PIP4K2A: variants seen among roughly 807,000 people sequenced by gnomAD.
PIP4K2A encodes phosphatidylinositol-5-phosphate 4-kinase type 2 alpha, also known as phosphatidylinositol 5-phosphate 4-kinase type-2 alpha.
A neutral mutation model predicts 42.9 loss-of-function variants in PIP4K2A; 14 were observed. That is an observed-to-expected ratio of 0.33 (90% confidence interval 0.22 to 0.51). The LOEUF (loss-of-function observed/expected upper bound fraction) is 0.51, where lower values mean the gene tolerates loss of function less well. PIP4K2A is among the 20% of genes least tolerant of loss of function. The pLI is 0.97. For missense variants in PIP4K2A, 434 were observed against 519.8 expected (o/e 0.83, Z 1.61); for synonymous variants, 192 against 192.2 (o/e 1.00, Z 0.01).
At chr10:22,594,813 T>C (rs1837596556) in intron 3 of PIP4K2A, among the ~76,000 whole-genome samples, 1 of 152,220 alleles carries the variant, frequency 6.6e-6, no homozygotes, top group Admixed American at 6.5e-5. Context: ...TTCAAAGGCA[T>C]TACTATAATC....
chr10:22,545,286 C>T (rs958435351), intron 7 of PIP4K2A, among the ~76,000 whole-genome samples: 3 of 152,222 alleles, frequency 2.0e-5, no homozygotes, highest in Non-Finnish European at 4.4e-5. Flanking sequence ...AAAGGAAGCG[C>T]AAGGTGACCA....
intron 4 of PIP4K2A, among the ~76,000 whole-genome samples, chr10:22,577,881 C>T (rs1016783621): frequency 6.6e-6 from 1 of 152,228 alleles, no homozygotes; most frequent in Non-Finnish European, 1.5e-5. Flanking sequence ...CACGGTCTGG[C>T]ACCGCCTGGA....
In PIP4K2A at chr10:22,563,803, G is replaced by A. The variant is rs545347807; in HGVS notation, c.678+4048C>T. On this transcript the variant is annotated intron_variant, in intron 6 of 9. Transcript: ENST00000376573. ...CATCCACTCAAAGTAAGTAACGACA[G>A]CACCAATCTCATCTGGTGACTGTTA... Among the ~76,000 whole-genome samples the A allele has an allele frequency of 1.6e-4, 25 of 152,302 alleles. 1 individual carries two copies. Among genetic ancestry groups the A allele is most frequent in the Admixed American group, 1.6e-3 (25 of 15,300 alleles).
chr10:22,543,252 G>C (rs538037812), intron 7 of PIP4K2A, among the ~76,000 whole-genome samples: 1 of 152,154 alleles, frequency 6.6e-6, no homozygotes, highest in African/African-American at 2.4e-5. Context: ...CTCTCCAGCT[G>C]GTTCCTGGTG....
chr10:22,535,113 A>T lies in PIP4K2A; in HGVS notation c.*2088T>A, dbSNP rs1382904948. The T allele has an allele frequency of 6.6e-6, 1 of 152,254 alleles. No individual in the cohort carries two copies. The highest frequency in any genetic ancestry group is 1.5e-5 in the Non-Finnish European group (1 of 68,040). The allele number at this position is 152,254 out of a possible 1,614,324, so 9.4% of individuals were successfully genotyped here. A position where few individuals can be genotyped will look rare whatever the true frequency, so the allele number is the denominator to read the frequency against. On this transcript the variant is annotated 3_prime_UTR_variant, in exon 10 of 10. Transcript: ENST00000376573. ...ATAAATGACAGACTGTTTGTTATAGACAAAAATAAAAGCATTCTGTAAACT... is the reference window on the plus strand; with the variant it reads ...ATAAATGACAGACTGTTTGTTATAGTCAAAAATAAAAGCATTCTGTAAACT...
intron 1 of PIP4K2A, chr10:22,659,464 T>C (rs991727358): frequency 1.3e-5 from 2 of 152,250 alleles, no homozygotes; most frequent in African/African-American, 4.8e-5. Flanking sequence ...ATGGTGCCTG[T>C]AATAACAATA....
At chr10:22,683,835 TCACACACACACACACA>T (rs138327782) in intron 1 of PIP4K2A, among the ~76,000 whole-genome samples, 14 of 139,400 alleles carry the variant, frequency 1.0e-4, no homozygotes, top group East Asian at 4.2e-4. Flanking sequence ...ACCAAGCAGT[TCACACACACACACACA>T]CACACACACA....
chr10:22,673,126 T>A (rs1056992970), intron 1 of PIP4K2A, among the ~76,000 whole-genome samples: 10 of 152,180 alleles, frequency 6.6e-5, no homozygotes, highest in Admixed American at 2.0e-4. Context: ...AAGCCCCTGA[T>A]CCCCATGGTT....
intron 1 of PIP4K2A, among the ~76,000 whole-genome samples, chr10:22,696,267 T>C (rs1378455892): frequency 9.9e-5 from 15 of 152,220 alleles, no homozygotes. Context: ...ACTGTGTTTT[T>C]GTTTTTGTAG....
chr10:22,650,373 A>G (rs1838968461), intron 1 of PIP4K2A, among the ~76,000 whole-genome samples: 2 of 152,158 alleles, frequency 1.3e-5, no homozygotes, highest in Non-Finnish European at 2.9e-5. Flanking sequence ...CTCCAGCCTC[A>G]GCCTCCGGAG....
At chr10:22,673,338 T>C (rs1430560174) in intron 1 of PIP4K2A, among the ~76,000 whole-genome samples, 1 of 152,232 alleles carries the variant, frequency 6.6e-6, no homozygotes, top group South Asian at 2.1e-4. Context: ...TTCATTTTTG[T>C]ATGCGCAGGA....
In PIP4K2A at chr10:22,648,303, G is replaced by A. The variant is rs144943912; in HGVS notation, c.145-38586C>T. Among the ~76,000 whole-genome samples the A allele has an allele frequency of 2.0e-5, 3 of 152,272 alleles. No homozygotes were observed. The East Asian group carries it at 5.8e-4, about 29-fold the overall frequency. On this transcript the variant is annotated intron_variant, in intron 1 of 9. Transcript: ENST00000376573. ...AAAAACTCAATTAAGGACGGTGTGG[G>A]GAGAGTTAATTCCTTAAGTCTGCTT...
intron 1 of PIP4K2A, among the ~76,000 whole-genome samples, chr10:22,629,459 C>T (rs1778321): frequency 0.065 from 9,897 of 152,016 alleles, 481 homozygotes; most frequent in African/African-American, 0.14. Context: ...TCTATGCTAA[C>T]TATAAAATAA....
chr10:22,697,611 G>A (rs1839996885), intron 1 of PIP4K2A, among the ~76,000 whole-genome samples: 1 of 152,106 alleles, frequency 6.6e-6, no homozygotes, highest in African/African-American at 2.4e-5. Flanking sequence ...TATAGTCCCA[G>A]CTATTACAGG....
intron 1 of PIP4K2A, among the ~76,000 whole-genome samples, chr10:22,709,495 G>T (rs143725005): frequency 1.3e-5 from 2 of 152,286 alleles, no homozygotes; most frequent in African/African-American, 4.8e-5. Flanking sequence ...TATGCTGGCA[G>T]AATTAATTAC....
At position 22,625,969 on chromosome 10, in the gene PIP4K2A, G is replaced by A. The variant is rs201172623; in HGVS notation, c.145-16252C>T. ...ATTCAGACTTCTGATAAAGGCCTGTGCTTACACCAATGTCACCTACACAAT... is the reference window on the plus strand; with the variant it reads ...ATTCAGACTTCTGATAAAGGCCTGTACTTACACCAATGTCACCTACACAAT... On this transcript the variant is annotated intron_variant, in intron 1 of 9. Transcript: ENST00000376573. 2.6e-5 allele frequency among the ~76,000 whole-genome samples: 4 copies of A among 152,212 alleles called. No homozygotes were observed. The East Asian group carries it at 5.8e-4, about 22-fold the overall frequency.
chr10:22,680,644 A>G (rs565964243), intron 1 of PIP4K2A, among the ~76,000 whole-genome samples: 2 of 152,326 alleles, frequency 1.3e-5, no homozygotes, highest in Admixed American at 6.5e-5. Context: ...GCTTAAAACC[A>G]CTGCCATTTT....
chr10:22,650,092 G>A (rs1411962144), intron 1 of PIP4K2A, among the ~76,000 whole-genome samples: 2 of 152,180 alleles, frequency 1.3e-5, no homozygotes, highest in Admixed American at 6.5e-5. Context: ...AAAACTAAGT[G>A]TGTGTCCAAA....
chr10:22,612,205 GACACC>G (rs1838060357), intron 1 of PIP4K2A, among the ~76,000 whole-genome samples: 2 of 152,250 alleles, frequency 1.3e-5, no homozygotes, highest in Non-Finnish European at 2.9e-5. Context: ...GCACAGCTCG[GACACC>G]AGTCTTTGTC....
Sources: allele counts gnomAD v4.1 joint callset (sites outside exome capture counted in the v4.1 genomes callset), GRCh38; gene constraint gnomAD v4.1.1; transcripts MANE v1.5; gene names NCBI Gene and HGNC (gene_info 2026-07-23, HGNC 2026-07-21).